Variants in MAU2 observed in about 807,000 individuals in gnomAD.
MAU2 encodes MAU2 sister chromatid cohesion factor.
A neutral mutation model predicts 89.1 loss-of-function variants in MAU2; 9 were observed. The ratio of observed to expected loss-of-function variants is 0.10; its 90% CI spans 0.06 to 0.18. The LOEUF (loss-of-function observed/expected upper bound fraction) is 0.18, where lower values mean the gene tolerates loss of function less well. Ranked by LOEUF, MAU2 falls within the 10% of genes least tolerant of loss-of-function variation. The probability of loss-of-function intolerance (pLI) is 1.00; values close to 1 mark genes in which losing one functional copy is unlikely to be tolerated. For synonymous variants in MAU2, 357 were observed against 343.4 expected (o/e 1.04, Z -0.44); for missense variants, 425 against 803.5 (o/e 0.53, Z 5.69).
At chr19:19,339,728 G>C (rs1291473463) in intron 5 of MAU2, 2 of 151,134 alleles carry the variant, frequency 1.3e-5, no homozygotes, top group Non-Finnish European at 2.9e-5. Flanking sequence ...AGCCATGTAA[G>C]AAAAATAAAT....
At position 19,346,875 on chromosome 19, in the gene MAU2, A is replaced by T. The variant is rs1257843399; in HGVS notation, c.1222-405A>T. On this transcript the variant is annotated intron_variant, in intron 12 of 18. Transcript: ENST00000262815. ...GCTCCCCTCTTCCCCACTTCCCCCT[A>T]TGAAGAGTGACCCCCGCCTAGGACC... 3 of 164,932 alleles carry T rather than the reference A, an allele frequency of 1.8e-5. No individual in the cohort carries two copies. In the East Asian group the frequency reaches 5.3e-4, roughly 29 times the overall value. The allele number at this position is 164,932 out of a possible 1,614,324, so 10.2% of individuals were successfully genotyped here. A position where few individuals can be genotyped will look rare whatever the true frequency, so the allele number is the denominator to read the frequency against.
chr19:19,343,912 C>A lies in MAU2; in HGVS notation c.1049C>A (p.Thr350Lys). The A allele has an allele frequency of 6.2e-7, 1 of 1,613,156 alleles. No homozygotes were observed. Among genetic ancestry groups the A allele is most frequent in the Non-Finnish European group, 8.5e-7 (1 of 1,179,994 alleles). Residue 350 changes from threonine (T) to lysine (K), a missense_variant, in exon 10 of 19, where the codon ACG becomes AAG. Thr to Lys is a moderately conservative substitution (Grantham distance 78, BLOSUM62 -1). Transcript: ENST00000262815. ...CACATCATCATGTGCCGCCTTGTCA[C>A]GGGTCACAAGGCCACGGCGCTGCAG... ...LEHIIMCRLV[T>K]GHKATALQEI... is the part of the protein sequence containing the mutation.
At chr19:19,349,270 CAG>C in intron 15 of MAU2, 38 bp downstream of exon 15, 1 of 1,613,592 alleles carries the variant, frequency 6.2e-7, no homozygotes, top group Non-Finnish European at 8.5e-7. Flanking sequence ...GGGCCATGCT[CAG>C]GGTAGCCCAG....
At chr19:19,333,058 C>T (rs1327560743) in intron 1 of MAU2, among the ~76,000 whole-genome samples, 1 of 151,156 alleles carries the variant, frequency 6.6e-6, no homozygotes, top group Non-Finnish European at 1.5e-5. Flanking sequence ...GCCTGGGCAA[C>T]AAGAGCGAAA....
intron 1 of MAU2, among the ~76,000 whole-genome samples, chr19:19,325,982 A>T (rs2061500636): frequency 6.8e-6 from 1 of 147,346 alleles, no homozygotes; most frequent in Admixed American, 6.8e-5. Flanking sequence ...TCAGTTTCTA[A>T]TGGTCTCCTC....
At chr19:19,344,515 A>C (rs2061678452) in intron 10 of MAU2, 1 of 391,806 alleles carries the variant, frequency 2.6e-6, no homozygotes, top group African/African-American at 2.0e-5. Context: ...TTTGACAGTG[A>C]TTGTTATACC....
chr19:19,348,491 C>T (rs367985965), intron 13 of MAU2: 129 of 368,124 alleles, frequency 3.5e-4, no homozygotes, highest in African/African-American at 2.2e-3. Flanking sequence ...AGTCAGATCA[C>T]GCCCCCATCA....
rs1599932559 is a variant in MAU2, at chr19:19,356,611, A to C, written c.*829A>C. The C allele has an allele frequency of 6.5e-6, 1 of 154,550 alleles. No homozygotes were observed. The highest frequency in any genetic ancestry group is 1.4e-5 in the Non-Finnish European group (1 of 69,722). The allele number at this position is 154,550 out of a possible 1,614,324, so 9.6% of individuals were successfully genotyped here. A position where few individuals can be genotyped will look rare whatever the true frequency, so the allele number is the denominator to read the frequency against. On this transcript the variant is annotated 3_prime_UTR_variant, in exon 19 of 19. Coordinates refer to ENST00000262815, the MANE Select transcript of MAU2 (RefSeq NM_015329.4). ...GGGCTCGTCTCCTAAATTTAAGATCACCTCCTCAGCTAGCTTAGAGTGCGT... is the reference window on the plus strand; with the variant it reads ...GGGCTCGTCTCCTAAATTTAAGATCCCCTCCTCAGCTAGCTTAGAGTGCGT...
chr19:19,333,897 C>G (rs1392948158), intron 1 of MAU2, among the ~76,000 whole-genome samples: 1 of 152,194 alleles, frequency 6.6e-6, no homozygotes, highest in Admixed American at 6.5e-5. Context: ...CTACCCTGGA[C>G]TGTGTCTGAA....
chr19:19,342,414 G>A lies in MAU2; in HGVS notation c.736-121G>A. Reference sequence around the variant, plus strand: ...CAGGGGCGGCTTCATCTTGCAGGAGGTGGCCCTGGCAGAAGGGGAAGGCAG... The same window carrying A: ...CAGGGGCGGCTTCATCTTGCAGGAGATGGCCCTGGCAGAAGGGGAAGGCAG... On this transcript the variant is annotated intron_variant, in intron 7 of 18. Coordinates refer to ENST00000262815, the MANE Select transcript of MAU2 (RefSeq NM_015329.4). 3.9e-6 allele frequency: 5 copies of A among 1,266,004 alleles called. No individual in the cohort carries two copies. In the South Asian group the frequency reaches 7.9e-5, roughly 20 times the overall value. The allele number at this position is 1,266,004 out of a possible 1,614,324, so 78.4% of individuals were successfully genotyped here.
chr19:19,355,373 C>T lies in MAU2; in HGVS notation c.1749C>T (p.Pro583=), dbSNP rs753252656. ...LQDHIEACSL[P]EHNLITWTDG... ...ACCACATTGAGGCCTGCAGCCTCCCCGAACACAACCTCATCACGGTACGGG... is the reference window on the plus strand; with the variant it reads ...ACCACATTGAGGCCTGCAGCCTCCCTGAACACAACCTCATCACGGTACGGG... The change falls in exon 18 of 19, where the codon CCC becomes CCT. Residue 583 remains proline (P), a synonymous_variant. Transcript: ENST00000262815. 9 of 1,613,890 alleles carry T rather than the reference C, an allele frequency of 5.6e-6. No homozygotes were observed. The Admixed American group carries it at 6.7e-5, about 12-fold the overall frequency.
intron 16 of MAU2, chr19:19,353,062 G>C (rs899851351): frequency 6.6e-6 from 1 of 152,438 alleles, no homozygotes; most frequent in Non-Finnish European, 1.5e-5. Flanking sequence ...ACAAGTGCCG[G>C]AGCAGACGGC....
At chr19:19,344,752 A>T in intron 10 of MAU2, 97 bp from the exon 11 acceptor site, 1 of 984,502 alleles carries the variant, frequency 1.0e-6, no homozygotes, top group Admixed American at 2.0e-5. Context: ...CAGACAGGAC[A>T]TGGGCTCACC....
intron 1 of MAU2, among the ~76,000 whole-genome samples, chr19:19,322,211 G>A (rs1219163141): frequency 1.3e-5 from 2 of 152,058 alleles, no homozygotes; most frequent in Admixed American, 6.6e-5. Context: ...TGTTAGCCAG[G>A]GTGGTCTCCA....
chr19:19,322,913 G>A (rs774388551), intron 1 of MAU2, among the ~76,000 whole-genome samples: 5 of 151,982 alleles, frequency 3.3e-5, no homozygotes, highest in Admixed American at 6.6e-5. Context: ...ATTTTGAGAC[G>A]GAGTTTCGCT....
At chr19:19,335,158 C>G (rs1020274628) in intron 1 of MAU2, among the ~76,000 whole-genome samples, 3 of 152,188 alleles carry the variant, frequency 2.0e-5, no homozygotes, top group Non-Finnish European at 4.4e-5. Context: ...GCAGTTCTGC[C>G]TGTGTCAGCC....
intron 1 of MAU2, among the ~76,000 whole-genome samples, chr19:19,333,646 G>C (rs2061574338): frequency 6.6e-6 from 1 of 152,242 alleles, no homozygotes; most frequent in Non-Finnish European, 1.5e-5. Context: ...AGACATGCAC[G>C]TGTGGGCTGT....
At chr19:19,354,050 G>A (rs1599929450) in intron 16 of MAU2, 2 of 438,216 alleles carry the variant, frequency 4.6e-6, no homozygotes, top group East Asian at 4.6e-5. Context: ...GTGGGTCTAG[G>A]GCTAACGGCC....
intron 13 of MAU2, chr19:19,348,586 A>C: frequency 1.8e-6 from 1 of 541,274 alleles, no homozygotes. Context: ...CCAGCCTGCC[A>C]ACCTACCCAC....
Sources: allele counts gnomAD v4.1 joint callset (sites outside exome capture counted in the v4.1 genomes callset), GRCh38; gene constraint gnomAD v4.1.1; transcripts MANE v1.5; gene names NCBI Gene and HGNC (gene_info 2026-07-23, HGNC 2026-07-21).